Variants in AEBP2 observed in about 807,000 individuals in gnomAD.
The protein encoded by AEBP2 is zinc finger protein AEBP2.
AEBP2 carries 10 observed loss-of-function variants against 50.8 expected under a neutral mutation model. The ratio of observed to expected loss-of-function variants is 0.20; its 90% CI spans 0.12 to 0.33. The LOEUF (loss-of-function observed/expected upper bound fraction) is 0.33, where lower values mean the gene tolerates loss of function less well. AEBP2 is among the 10% of genes least tolerant of loss of function. The probability of loss-of-function intolerance (pLI) is 1.00; values close to 1 mark genes in which losing one functional copy is unlikely to be tolerated. For missense variants in AEBP2, 570 were observed against 688.0 expected (o/e 0.83, Z 1.92); for synonymous variants, 296 against 261.3 (o/e 1.13, Z -1.28).
chr12:19,452,091 A>G (rs959227897), intron 1 of AEBP2, among the ~76,000 whole-genome samples: 5 of 152,058 alleles, frequency 3.3e-5, no homozygotes, highest in African/African-American at 9.7e-5. Context: ...GGGTTTCACC[A>G]TGTTGGCCAG....
chr12:19,488,818 A>C (rs1565727805), intron 3 of AEBP2, among the ~76,000 whole-genome samples: 1 of 151,978 alleles, frequency 6.6e-6, no homozygotes, highest in Non-Finnish European at 1.5e-5. Context: ...GTTATTTGAG[A>C]TGGACTCTTG....
At chr12:19,449,778 A>C (rs1405514814) in intron 1 of AEBP2, among the ~76,000 whole-genome samples, 1 of 152,132 alleles carries the variant, frequency 6.6e-6, no homozygotes, top group Admixed American at 6.6e-5. Flanking sequence ...ATTTTTTTTG[A>C]ATTATTTTAG....
In AEBP2 at chr12:19,461,180, G is replaced by A. The variant is rs1047680162; in HGVS notation, c.672-1330G>A. On this transcript the variant is annotated intron_variant, in intron 1 of 7. Transcript: ENST00000266508. ...ATATAATTTTCACAACTTGACTTGTGTTGTTTCTTAAATTGCAAGCAGATA... is the reference window on the plus strand; with the variant it reads ...ATATAATTTTCACAACTTGACTTGTATTGTTTCTTAAATTGCAAGCAGATA... Among the ~76,000 whole-genome samples the A allele has an allele frequency of 2.6e-5, 4 of 152,210 alleles. No individual in the cohort carries two copies. The East Asian group carries it at 7.7e-4, about 29-fold the overall frequency.
rs761610807 is a variant in AEBP2 at position 19,439,756 on chromosome 12, T to C, written c.57T>C (p.Pro19=). 1.3e-6 allele frequency: 2 copies of C among 1,516,438 alleles called. No individual in the cohort carries two copies. Among genetic ancestry groups the C allele is most frequent in the South Asian group, 2.4e-5 (2 of 83,182 alleles). The allele number at this position is 1,516,438 out of a possible 1,614,324, so 93.9% of individuals were successfully genotyped here. A position where few individuals can be genotyped will look rare whatever the true frequency, so the allele number is the denominator to read the frequency against. ...TGGAGGAGCTCTCCCGCCTGAGCCC[T>C]CTGCCCCCCGGCAGCCCGGGTTCGG... is the stretch of plus-strand genomic sequence containing the variant. ...ADLEELSRLS[P]LPPGSPGSAA... The change falls in exon 1 of 8, where the codon CCT becomes CCC. Residue 19 remains proline, a synonymous_variant. Coordinates refer to ENST00000266508, the MANE Select transcript of AEBP2 (RefSeq NM_153207.5).
At chr12:19,433,589 G>A (rs2095752530) in intron 1 of AEBP2, among the ~76,000 whole-genome samples, 1 of 151,966 alleles carries the variant, frequency 6.6e-6, no homozygotes, top group Admixed American at 6.6e-5. Context: ...AGACCAGCCT[G>A]GCCAACATAA....
At chr12:19,489,412 G>A (rs942540057) in intron 3 of AEBP2, among the ~76,000 whole-genome samples, 9 of 151,934 alleles carry the variant, frequency 5.9e-5, no homozygotes, top group Non-Finnish European at 1.0e-4. Flanking sequence ...CGGGGAAACC[G>A]CCCCCGCCAT....
chr12:19,453,570 C>T (rs185422832), intron 1 of AEBP2, among the ~76,000 whole-genome samples: 41 of 151,998 alleles, frequency 2.7e-4, no homozygotes, highest in African/African-American at 8.0e-4. Context: ...ATTACAGGCA[C>T]GCGACACCAT....
chr12:19,515,321 A>G (rs112365263), intron 7 of AEBP2, among the ~76,000 whole-genome samples: 7 of 152,166 alleles, frequency 4.6e-5, no homozygotes, highest in African/African-American at 1.7e-4. Context: ...AGAGACCAAC[A>G]TTTCTCTTTT....
At chr12:19,465,167 C>T (rs747126761) in intron 2 of AEBP2, among the ~76,000 whole-genome samples, 3 of 151,590 alleles carry the variant, frequency 2.0e-5, no homozygotes, top group African/African-American at 7.3e-5. Flanking sequence ...GGCTGAGGCG[C>T]GCGGATCACG....
chr12:19,514,876 G>T, intron 7 of AEBP2, 92 bp downstream of exon 7: 2 of 861,326 alleles, frequency 2.3e-6, no homozygotes, highest in Non-Finnish European at 3.6e-6. Flanking sequence ...TTTAAGTGCT[G>T]AATTTTAATA....
At chr12:19,458,030 T>G (rs1948302521) in intron 1 of AEBP2, among the ~76,000 whole-genome samples, 2 of 152,184 alleles carry the variant, frequency 1.3e-5, no homozygotes, top group Non-Finnish European at 2.9e-5. Flanking sequence ...AAAAGGAGAA[T>G]TAACTGTGTG....
At chr12:19,498,500 G>A (rs1187339292) in intron 4 of AEBP2, among the ~76,000 whole-genome samples, 3 of 152,140 alleles carry the variant, frequency 2.0e-5, no homozygotes, top group Admixed American at 6.6e-5. Flanking sequence ...AAAAGCTATG[G>A]TGGATTTGTG....
intron 1 of AEBP2, among the ~76,000 whole-genome samples, chr12:19,412,554 AG>A (rs1272979154): frequency 1.3e-5 from 2 of 152,002 alleles, no homozygotes; most frequent in Non-Finnish European, 2.9e-5. Flanking sequence ...CTGGGATTAC[AG>A]GTGTGAGCCA....
At chr12:19,418,355 C>G (rs1183351952) in intron 1 of AEBP2, among the ~76,000 whole-genome samples, 7 of 151,120 alleles carry the variant, frequency 4.6e-5, no homozygotes, top group African/African-American at 1.5e-4. Context: ...CTCCTGAGTA[C>G]CTGGGACTAC....
chr12:19,438,365 C>T (rs547476904), upstream of AEBP2, among the ~76,000 whole-genome samples: 177 of 152,266 alleles, frequency 1.2e-3, no homozygotes, highest in Non-Finnish European at 2.2e-3. Context: ...TATAACAAAA[C>T]TCCATTCATT....
chr12:19,424,114 G>C (rs1045471413), intron 1 of AEBP2, among the ~76,000 whole-genome samples: 3 of 152,018 alleles, frequency 2.0e-5, no homozygotes, highest in Non-Finnish European at 4.4e-5. Context: ...AGGTAGACTT[G>C]GAAATCAATA....
At chr12:19,481,232 C>G (rs533262744) in intron 3 of AEBP2, among the ~76,000 whole-genome samples, 1 of 150,132 alleles carries the variant, frequency 6.7e-6, no homozygotes. Context: ...TCCCGAGTAA[C>G]TGGGATTACA....
At chr12:19,481,837 G>GT (rs1200840349) in intron 3 of AEBP2, among the ~76,000 whole-genome samples, 4 of 152,088 alleles carry the variant, frequency 2.6e-5, no homozygotes, top group Non-Finnish European at 4.4e-5. Flanking sequence ...TGTGATTGCT[G>GT]TTTCTTTATG....
chr12:19,456,353 A>G, intron 1 of AEBP2: 2 of 1,397,930 alleles, frequency 1.4e-6, no homozygotes, highest in East Asian at 2.3e-5. Context: ...GTCTCATATC[A>G]TGAACAGCAG....
Sources: gnomAD v4.1 joint callset for allele counts (sites outside exome capture counted in the v4.1 genomes callset) on GRCh38, gnomAD v4.1.1 for gene constraint, MANE v1.5 for transcripts, NCBI Gene and HGNC (gene_info 2026-07-23, HGNC 2026-07-21) for gene names.